Variants in SPIDR observed in about 807,000 individuals in gnomAD.
SPIDR encodes the protein scaffold protein involved in DNA repair, also known as DNA repair-scaffolding protein.
SPIDR carries 93 observed loss-of-function variants against 104.6 expected under a neutral mutation model. That is an observed-to-expected ratio of 0.89 (90% confidence interval 0.75 to 1.06). SPIDR has a LOEUF of 1.06. SPIDR is among the 50% of genes least tolerant of loss of function. The probability of loss-of-function intolerance (pLI) is 0.00; values close to 1 mark genes in which losing one functional copy is unlikely to be tolerated. For synonymous variants in SPIDR, 431 were observed against 416.9 expected, an observed-to-expected ratio of 1.03 and a Z score of -0.41; for missense variants, 1,154 against 1,111.2, an observed-to-expected ratio of 1.04 and a Z score of -0.55.
chr8:47,652,261 T>TA (rs2071794176), intron 10 of SPIDR, among the ~76,000 whole-genome samples: 2 of 152,120 alleles, frequency 1.3e-5, no homozygotes, highest in African/African-American at 4.8e-5. Flanking sequence ...GAGAGTGACA[T>TA]ACGCTCCCAG....
At chr8:47,460,436 T>G (rs1290491718) in intron 8 of SPIDR, among the ~76,000 whole-genome samples, 2 of 152,228 alleles carry the variant, frequency 1.3e-5, no homozygotes, top group Non-Finnish European at 2.9e-5. Flanking sequence ...CCTTTTTAAC[T>G]GCTGTTGCTT....
intron 8 of SPIDR, among the ~76,000 whole-genome samples, chr8:47,544,299 C>G (rs1342772120): frequency 6.6e-6 from 1 of 151,894 alleles, no homozygotes; most frequent in East Asian, 1.9e-4. Flanking sequence ...GGATACTAGT[C>G]CTTAATTGCA....
At chr8:47,349,316 G>A (rs1195320304) in intron 5 of SPIDR, among the ~76,000 whole-genome samples, 1 of 152,190 alleles carries the variant, frequency 6.6e-6, no homozygotes, top group Admixed American at 6.5e-5. Context: ...AGCAAATGTT[G>A]CTGCCTGATC....
At position 47,278,910 on chromosome 8, in the gene SPIDR, G is replaced by A. The variant is rs919352987; in HGVS notation, c.34-952G>A. Among the ~76,000 whole-genome samples the A allele has an allele frequency of 3.3e-5, 5 of 151,698 alleles. 1 individual carries two copies. The highest frequency in any genetic ancestry group is 3.9e-4 in the East Asian group (2 of 5,160). ...CTTTTATTTTTCTTTTTTTAAGGAC[G>A]TGGCCTCTCACTGTGTTGCCCGGCT... On this transcript the variant is annotated intron_variant, in intron 1 of 19. Transcript: ENST00000297423.
intron 7 of SPIDR, among the ~76,000 whole-genome samples, chr8:47,412,354 CAAAA>C (rs1213459162): frequency 6.6e-6 from 1 of 152,136 alleles, no homozygotes; most frequent in African/African-American, 2.4e-5. Context: ...GGCTTAGACA[CAAAA>C]AAAGAATTTA....
In SPIDR at chr8:47,323,781, GA is replaced by G. The variant is rs1208360469; in HGVS notation, c.525+29753del. Among the ~76,000 whole-genome samples the G allele has an allele frequency of 5.9e-5, 9 of 152,226 alleles. No homozygotes were observed. In the South Asian group the frequency reaches 1.2e-3, roughly 21 times the overall value. ...AGGGTTTGTAATAGATTTAGAAGTA[GA>G]ATTAGTCTTCTACTTCTTCAGATCT... On this transcript the variant is annotated intron_variant, in intron 5 of 19. Coordinates refer to ENST00000297423, the MANE Select transcript of SPIDR (RefSeq NM_001080394.4).
chr8:47,662,999 G>A (rs552432972), intron 10 of SPIDR, among the ~76,000 whole-genome samples: 1 of 152,320 alleles, frequency 6.6e-6, no homozygotes, highest in South Asian at 2.1e-4. Context: ...GACCCACCCA[G>A]TCTGTGGTAT....
chr8:47,320,159 G>C (rs1430076742), intron 5 of SPIDR, among the ~76,000 whole-genome samples: 3 of 152,184 alleles, frequency 2.0e-5, no homozygotes, highest in African/African-American at 4.8e-5. Flanking sequence ...GAATCCAGGA[G>C]CTGGTCTTTT....
At position 47,335,921 on chromosome 8, in the gene SPIDR, CT is replaced by C. The variant is rs1216183751; in HGVS notation, c.525+41903del. Among the ~76,000 whole-genome samples the C allele has an allele frequency of 6.7e-3, 926 of 137,416 alleles. 4 individuals carry two copies. Among genetic ancestry groups the C allele is most frequent in the African/African-American group, 0.018 (693 of 38,014 alleles). 90.2% of individuals were successfully genotyped at this position (137,416 alleles called of 152,430 possible). On this transcript the variant is annotated intron_variant, in intron 5 of 19. Coordinates refer to ENST00000297423, the MANE Select transcript of SPIDR (RefSeq NM_001080394.4). The stretch of plus-strand genomic sequence containing the variant: ...GAAAAATGATATGCCTAAGTTTTTG[CT>C]TTTTTTTTTTTAATTCTGCATTTGT...
intron 8 of SPIDR, among the ~76,000 whole-genome samples, chr8:47,585,166 C>G (rs7823419): frequency 6.6e-6 from 1 of 152,004 alleles, no homozygotes; most frequent in East Asian, 1.9e-4. Flanking sequence ...GAACATAGTA[C>G]GTGAAGTTAA....
intron 6 of SPIDR, among the ~76,000 whole-genome samples, chr8:47,405,609 G>T (rs782019536): frequency 2.6e-5 from 4 of 152,070 alleles, no homozygotes. Context: ...TTTGAGATAG[G>T]TTACCAGTCT....
intron 7 of SPIDR, among the ~76,000 whole-genome samples, chr8:47,412,764 A>C (rs2063717131): frequency 6.6e-6 from 1 of 152,142 alleles, no homozygotes; most frequent in East Asian, 1.9e-4. Context: ...TGTATATTTA[A>C]CCTCTCAAAT....
intron 5 of SPIDR, among the ~76,000 whole-genome samples, chr8:47,295,547 C>G (rs1444897648): frequency 6.6e-6 from 1 of 151,748 alleles, no homozygotes; most frequent in Non-Finnish European, 1.5e-5. Context: ...TAAGTAAGAT[C>G]ATGCTGTATT....
At chr8:47,685,925 G>A (rs1386151594) in intron 11 of SPIDR, among the ~76,000 whole-genome samples, 4 of 152,044 alleles carry the variant, frequency 2.6e-5, no homozygotes, top group Non-Finnish European at 4.4e-5. Context: ...GGGAGGCCAA[G>A]GCAAGAGGAT....
chr8:47,650,017 A>G (rs1002339482), intron 10 of SPIDR, among the ~76,000 whole-genome samples: 3 of 152,212 alleles, frequency 2.0e-5, no homozygotes, highest in Admixed American at 6.5e-5. Context: ...GAATGGGGAA[A>G]AGCTGAAAGC....
At position 47,716,160 on chromosome 8, in the gene SPIDR, G is replaced by A. The variant is rs535523880; in HGVS notation, c.2341+2519G>A. 2.9e-3 allele frequency among the ~76,000 whole-genome samples: 443 copies of A among 151,734 alleles called. 3 individuals are homozygous for A. Among genetic ancestry groups the A allele is most frequent in the African/African-American group, 0.01 (427 of 41,366 alleles). ...TTGTATTTTTAATAGAGATTTTGCCGTGTTGGCCAGGCTGGTCTTGAACTC... is the reference window on the plus strand; with the variant it reads ...TTGTATTTTTAATAGAGATTTTGCCATGTTGGCCAGGCTGGTCTTGAACTC... On this transcript the variant is annotated intron_variant, in intron 16 of 19. Transcript: ENST00000297423.
At chr8:47,396,319 C>G in intron 5 of SPIDR, 57 bp from the exon 6 acceptor site, 1 of 1,401,566 alleles carries the variant, frequency 7.1e-7, no homozygotes, top group Non-Finnish European at 9.9e-7. Context: ...TAAATGTGGA[C>G]TTGAATAAAG....
rs2033936881 is a variant in SPIDR, at chr8:47,266,112, A to G, written c.33+5121A>G. 1.3e-5 allele frequency among the ~76,000 whole-genome samples: 2 copies of G among 148,386 alleles called. 1 individual carries two copies. The highest frequency in any genetic ancestry group is 3.0e-5 in the Non-Finnish European group (2 of 67,316). ...ATGATTTATCGAAGTTGTTGTGCAT[A>G]TCAGTAGTTTCTTTGTCTTTTTTTT... is the stretch of plus-strand genomic sequence containing the variant. On this transcript the variant is annotated intron_variant, in intron 1 of 19. Transcript: ENST00000297423.
chr8:47,402,294 A>G (rs1374628797), intron 6 of SPIDR, among the ~76,000 whole-genome samples: 3 of 152,158 alleles, frequency 2.0e-5, no homozygotes, highest in African/African-American at 4.8e-5. Context: ...AATTAACAGA[A>G]CTAGAGAAGC....
Sources: gnomAD v4.1 joint callset for allele counts (sites outside exome capture counted in the v4.1 genomes callset) on GRCh38, gnomAD v4.1.1 for gene constraint, MANE v1.5 for transcripts, NCBI Gene and HGNC (gene_info 2026-07-23, HGNC 2026-07-21) for gene names.